Variants in IL15 observed in about 807,000 individuals in gnomAD.
IL15 encodes the protein interleukin 15, also known as interleukin-15.
A neutral mutation model predicts 19.6 loss-of-function variants in IL15; 11 were observed. The ratio of observed to expected loss-of-function variants is 0.56; its 90% CI spans 0.35 to 0.93. The LOEUF (loss-of-function observed/expected upper bound fraction) is 0.93. Among genes scored for constraint, IL15 ranks in the 40% least tolerant of loss-of-function variants. The pLI, the probability that IL15 is intolerant of heterozygous loss-of-function variation, is 0.01. For missense variants in IL15, 197 were observed against 186.5 expected, an observed-to-expected ratio of 1.06 and a Z score of -0.33; for synonymous variants, 58 against 59.6, an observed-to-expected ratio of 0.97 and a Z score of 0.12.
chr4:141,687,904 A>G (rs1436490806), intron 2 of IL15, among the ~76,000 whole-genome samples: 1 of 152,162 alleles, frequency 6.6e-6, no homozygotes, highest in Non-Finnish European at 1.5e-5. Flanking sequence ...TTTCATTCTT[A>G]AATATCATTT....
chr4:141,706,564 C>T (rs1407970777), intron 2 of IL15, among the ~76,000 whole-genome samples: 1 of 152,056 alleles, frequency 6.6e-6, no homozygotes, highest in Non-Finnish European at 1.5e-5. Context: ...CCTTTCATTT[C>T]CAATTGTACC....
intron 2 of IL15, among the ~76,000 whole-genome samples, chr4:141,673,561 A>C (rs1728243892): frequency 6.6e-6 from 1 of 152,220 alleles, no homozygotes; most frequent in African/African-American, 2.4e-5. Flanking sequence ...CTGAAACAAT[A>C]ATGATCATAT....
chr4:141,687,274 A>T lies in IL15; in HGVS notation c.-100+30967A>T, dbSNP rs552193271. On this transcript the variant is annotated intron_variant, in intron 2 of 7. Coordinates refer to ENST00000320650, the MANE Select transcript of IL15 (RefSeq NM_000585.5). Reference sequence around the variant, plus strand: ...TGAGGGGAGGAAGTAGAAAGTAGCCAAGAGCCTGGGAGATAGTGGTGACAA... The same window carrying T: ...TGAGGGGAGGAAGTAGAAAGTAGCCTAGAGCCTGGGAGATAGTGGTGACAA... Among the ~76,000 whole-genome samples the T allele has an allele frequency of 3.0e-4, 46 of 152,352 alleles. No homozygotes were observed. In the South Asian group the frequency reaches 4.8e-3, roughly 16 times the overall value.
At chr4:141,720,145 A>G (rs1730024103) in intron 3 of IL15, among the ~76,000 whole-genome samples, 1 of 152,106 alleles carries the variant, frequency 6.6e-6, no homozygotes, top group African/African-American at 2.4e-5. Context: ...AAGGATGAGG[A>G]GGAGGTCAAA....
At chr4:141,711,547 G>A (rs1729718525) in intron 2 of IL15, among the ~76,000 whole-genome samples, 1 of 152,014 alleles carries the variant, frequency 6.6e-6, no homozygotes. Context: ...TGCTTAGCAT[G>A]CTTATAGGTG....
At chr4:141,666,969 A>G (rs1269276784) in intron 2 of IL15, among the ~76,000 whole-genome samples, 1 of 152,184 alleles carries the variant, frequency 6.6e-6, no homozygotes. Flanking sequence ...TTCCTATCCA[A>G]TGAATTTTCC....
chr4:141,726,637 A>G (rs1199251540), intron 5 of IL15, among the ~76,000 whole-genome samples: 2 of 152,198 alleles, frequency 1.3e-5, no homozygotes, highest in Non-Finnish European at 2.9e-5. Flanking sequence ...ACACAAAAAT[A>G]TGTACATGAA....
intron 2 of IL15, among the ~76,000 whole-genome samples, chr4:141,659,675 TA>T (rs1210488470): frequency 6.6e-6 from 1 of 152,242 alleles, no homozygotes; most frequent in Non-Finnish European, 1.5e-5. Context: ...ACATTCTTTT[TA>T]AAAAAATTTA....
chr4:141,733,044 A>C lies in IL15; in HGVS notation c.*196A>C. On this transcript the variant is annotated 3_prime_UTR_variant, in exon 8 of 8. Transcript: ENST00000320650. ...TCATTGAGTAATATAGTGACTATGA[A>C]CTTCTCTCAGACTTACTTTACTCAT... 1.6e-6 allele frequency: 1 copy of C among 626,062 alleles called. No individual in the cohort carries two copies. The allele number at this position is 626,062 out of a possible 1,614,324, so 38.8% of individuals were successfully genotyped here.
At chr4:141,701,908 C>G (rs1729334193) in intron 2 of IL15, among the ~76,000 whole-genome samples, 1 of 152,194 alleles carries the variant, frequency 6.6e-6, no homozygotes, top group African/African-American at 2.4e-5. Flanking sequence ...GAATTGTGAC[C>G]TTGCCTCTTA....
Position 141,652,062 on chromosome 4 carries a change from C to A in IL15, c.-221-4124C>A, listed in dbSNP as rs563385912. ...GCCAAGTGTTTGATGTCTACAAAAA[C>A]CATTTTCCTTAGACAAAAGCTGAAA... On this transcript the variant is annotated intron_variant, in intron 1 of 7. Coordinates refer to ENST00000320650, the MANE Select transcript of IL15 (RefSeq NM_000585.5). Among the ~76,000 whole-genome samples the A allele has an allele frequency of 2.0e-5, 3 of 152,108 alleles. No homozygotes were observed. The East Asian group carries it at 5.8e-4, about 29-fold the overall frequency.
intron 1 of IL15, among the ~76,000 whole-genome samples, chr4:141,639,951 G>A (rs969965022): frequency 6.6e-6 from 1 of 152,092 alleles, no homozygotes; most frequent in Admixed American, 6.5e-5. Context: ...TCAACTATAT[G>A]TCTATATGTG....
chr4:141,654,376 G>A (rs1727516618), intron 1 of IL15, among the ~76,000 whole-genome samples: 1 of 152,184 alleles, frequency 6.6e-6, no homozygotes, highest in Non-Finnish European at 1.5e-5. Flanking sequence ...CTGTCAGCTG[G>A]AACAATGAAT....
At chr4:141,716,427 A>AC (rs1417836445) in intron 2 of IL15, 1 of 152,202 alleles carries the variant, frequency 6.6e-6, no homozygotes, top group Non-Finnish European at 1.5e-5. Flanking sequence ...CTGCAGCTTG[A>AC]CCCACTGCTT....
intron 2 of IL15, among the ~76,000 whole-genome samples, chr4:141,668,492 G>A (rs1219763870): frequency 1.3e-5 from 2 of 152,140 alleles, no homozygotes; most frequent in East Asian, 3.8e-4. Context: ...CACCTTTGTT[G>A]TCACATTTGG....
At chr4:141,657,717 G>A (rs538707961) in intron 2 of IL15, among the ~76,000 whole-genome samples, 3 of 152,182 alleles carry the variant, frequency 2.0e-5, no homozygotes, top group East Asian at 3.9e-4. Flanking sequence ...TCACTGGAAG[G>A]TCTCCAGGGG....
At position 141,685,063 on chromosome 4, in the gene IL15, G is replaced by A. The variant is rs961564951; in HGVS notation, c.-100+28756G>A. The stretch of plus-strand genomic sequence containing the variant: ...CCTCTTGGCTACTACTTAGTCATTC[G>A]ATGATTCAAATCAATGGACATTTAT... On this transcript the variant is annotated intron_variant, in intron 2 of 7. Coordinates refer to ENST00000320650, the MANE Select transcript of IL15 (RefSeq NM_000585.5). Among the ~76,000 whole-genome samples, 6 of 151,866 alleles carry A rather than the reference G, an allele frequency of 4.0e-5. No homozygotes were observed. The South Asian group carries it at 8.3e-4, about 21-fold the overall frequency.
At chr4:141,717,146 T>C (rs1452279314) in intron 2 of IL15, 1 of 152,216 alleles carries the variant, frequency 6.6e-6, no homozygotes. Flanking sequence ...TAAGAGTTAA[T>C]ACTGGAGTGA....
chr4:141,661,101 G>T (rs1727770983), intron 2 of IL15, among the ~76,000 whole-genome samples: 1 of 152,034 alleles, frequency 6.6e-6, no homozygotes. Context: ...CACAAACTAG[G>T]TCAAGCAAAA....
Sources: gnomAD v4.1 joint callset for allele counts (sites outside exome capture counted in the v4.1 genomes callset) on GRCh38, gnomAD v4.1.1 for gene constraint, MANE v1.5 for transcripts, NCBI Gene and HGNC (gene_info 2026-07-23, HGNC 2026-07-21) for gene names.